Variants in SNX29 observed in about 807,000 individuals in gnomAD.
SNX29 encodes the protein sorting nexin-29.
SNX29 carries 78 observed loss-of-function variants against 102.1 expected under a neutral mutation model. The observed-to-expected ratio is 0.76, with a 90% CI of 0.64 to 0.92. The LOEUF (loss-of-function observed/expected upper bound fraction) is 0.92, where lower values mean the gene tolerates loss of function less well. Among genes scored for constraint, SNX29 ranks in the 40% least tolerant of loss-of-function variants. The pLI, the probability that SNX29 is intolerant of heterozygous loss-of-function variation, is 0.00. For synonymous variants in SNX29, 580 were observed against 414.5 expected (o/e 1.40, Z -4.85); for missense variants, 1,280 against 1,061.7 (o/e 1.21, Z -2.86).
At chr16:12,111,260 A>G (rs2053490984) in intron 11 of SNX29, among the ~76,000 whole-genome samples, 1 of 152,174 alleles carries the variant, frequency 6.6e-6, no homozygotes, top group African/African-American at 2.4e-5. Context: ...TGCACCAGTC[A>G]GCTCACTTCC....
At chr16:12,419,426 C>T (rs767027067) in intron 18 of SNX29, among the ~76,000 whole-genome samples, 2 of 152,180 alleles carry the variant, frequency 1.3e-5, no homozygotes, top group Non-Finnish European at 2.9e-5. Context: ...TCCCCATTGA[C>T]ACTTGCACGC....
At chr16:12,304,029 C>G (rs1201306066) in intron 15 of SNX29, among the ~76,000 whole-genome samples, 3 of 152,196 alleles carry the variant, frequency 2.0e-5, no homozygotes, top group Non-Finnish European at 4.4e-5. Flanking sequence ...TCTGTTAACA[C>G]ATTGGTAAGG....
chr16:12,023,382 C>G (rs1596619674), intron 3 of SNX29, among the ~76,000 whole-genome samples: 1 of 147,296 alleles, frequency 6.8e-6, no homozygotes. Context: ...CCCCCCAGCC[C>G]TCTCAACAAA....
intron 18 of SNX29, among the ~76,000 whole-genome samples, chr16:12,468,211 G>A (rs1388556201): frequency 1.9e-5 from 1 of 53,224 alleles, no homozygotes; most frequent in Non-Finnish European, 3.5e-5. Flanking sequence ...GAGTTTTACT[G>A]TTTCCCAGGC....
intron 13 of SNX29, among the ~76,000 whole-genome samples, chr16:12,165,137 CTTA>C (rs761868289): frequency 4.5e-4 from 68 of 152,320 alleles, no homozygotes; most frequent in Non-Finnish European, 5.0e-4. Context: ...ATACTGGCAT[CTTA>C]TTAAGTGGGA....
chr16:12,043,162 T>C, intron 5 of SNX29, 85 bp downstream of exon 5: 1 of 1,533,664 alleles, frequency 6.5e-7, no homozygotes, highest in Non-Finnish European at 8.8e-7. Flanking sequence ...TGGATTTTCA[T>C]CCTAGTTCCC....
chr16:12,099,061 C>G (rs1190101558), intron 11 of SNX29, among the ~76,000 whole-genome samples: 1 of 152,146 alleles, frequency 6.6e-6, no homozygotes, highest in Non-Finnish European at 1.5e-5. Context: ...TGGCTCCCCT[C>G]CAGCACAGAG....
chr16:12,542,376 C>G (rs948107449), intron 20 of SNX29, among the ~76,000 whole-genome samples: 1 of 152,220 alleles, frequency 6.6e-6, no homozygotes, highest in Non-Finnish European at 1.5e-5. Context: ...AGTTCTATCA[C>G]CCAGGGTGGA....
At chr16:12,209,091 A>G (rs1427998579) in intron 14 of SNX29, among the ~76,000 whole-genome samples, 1 of 152,106 alleles carries the variant, frequency 6.6e-6, no homozygotes, top group Non-Finnish European at 1.5e-5. Flanking sequence ...TCGGTTTACT[A>G]ATGGGAAAAA....
intron 4 of SNX29, among the ~76,000 whole-genome samples, chr16:12,041,642 C>A (rs1447052757): frequency 6.6e-6 from 1 of 152,142 alleles, no homozygotes; most frequent in East Asian, 1.9e-4. Flanking sequence ...CTATGGCTGC[C>A]CCATTCTAGT....
rs1350291439 is a variant in SNX29, at chr16:12,372,709, CGTTTGACTTGA to C, written c.1899+16435_1899+16445del. ...GTCATGGAAGGTTTCAAAGAGGAGA[CGTTTGACTTGA>C]GTTTTTAAGGATGAGTTGAAGTTGA... On this transcript the variant is annotated intron_variant, in intron 16 of 20. Transcript: ENST00000566228. 3 of 152,208 alleles carry C rather than the reference CGTTTGACTTGA, an allele frequency of 2.0e-5. No individual in the cohort carries two copies. In the East Asian group the frequency reaches 5.8e-4, roughly 29 times the overall value. The allele number at this position is 152,208 out of a possible 1,614,324, so 9.4% of individuals were successfully genotyped here. A position where few individuals can be genotyped will look rare whatever the true frequency, so the allele number is the denominator to read the frequency against.
chr16:12,572,143 C>CTTA lies in SNX29; in HGVS notation c.*3518_*3520dup. ...CTTGGCCCTGCTTCATACTTTGGAG[C>CTTA]TTATTAAGATCAATTTTGATAACCA... On this transcript the variant is annotated 3_prime_UTR_variant, in exon 21 of 21. Coordinates refer to ENST00000566228, the MANE Select transcript of SNX29 (RefSeq NM_032167.5). The CTTA allele has an allele frequency of 1.0e-6, 1 of 999,442 alleles. No individual in the cohort carries two copies. Among genetic ancestry groups the CTTA allele is most frequent in the Non-Finnish European group, 1.2e-6 (1 of 819,936 alleles). The allele number at this position is 999,442 out of a possible 1,614,324, so 61.9% of individuals were successfully genotyped here. A position where few individuals can be genotyped will look rare whatever the true frequency, so the allele number is the denominator to read the frequency against.
In SNX29 at chr16:12,567,369, A is replaced by C. The variant is rs190720929; in HGVS notation, c.2319-1137A>C. On this transcript the variant is annotated intron_variant, in intron 20 of 20. Coordinates refer to ENST00000566228, the MANE Select transcript of SNX29 (RefSeq NM_032167.5). ...CTGTTAGGTTTTTGCCTTGTTTTAA[A>C]ACATTTTATCCCAGTGAGGTATTTA... 2.6e-3 allele frequency among the ~76,000 whole-genome samples: 390 copies of C among 152,280 alleles called. 2 individuals are homozygous for C. Among genetic ancestry groups the C allele is most frequent in the Non-Finnish European group, 4.7e-3 (322 of 68,028 alleles).
Position 12,467,109 on chromosome 16 carries a change from G to T in SNX29, c.2038-10610G>T, listed in dbSNP as rs576741735. 3.3e-5 allele frequency among the ~76,000 whole-genome samples: 5 copies of T among 152,296 alleles called. No homozygotes were observed. In the South Asian group the frequency reaches 1.0e-3, roughly 32 times the overall value. On this transcript the variant is annotated intron_variant, in intron 18 of 20. Coordinates refer to ENST00000566228, the MANE Select transcript of SNX29 (RefSeq NM_032167.5). ...CGGGCAGACCTGGGCTTCAGTCCTT[G>T]TTTCACTTCTAACTAGCTCTTTGCT...
rs772632752 is a variant in SNX29 at position 12,018,560 on chromosome 16, G to A, written c.123-8760G>A. On this transcript the variant is annotated intron_variant, in intron 3 of 20. Coordinates refer to ENST00000566228, the MANE Select transcript of SNX29 (RefSeq NM_032167.5). ...ATCGTGTCACTGCACTTCAGCCTGGGTGACAGAGTGAGACTCTGTCTCAAG... is the reference window on the plus strand; with the variant it reads ...ATCGTGTCACTGCACTTCAGCCTGGATGACAGAGTGAGACTCTGTCTCAAG... 3.8e-4 allele frequency among the ~76,000 whole-genome samples: 58 copies of A among 151,196 alleles called. 1 individual carries two copies. Among genetic ancestry groups the A allele is most frequent in the Admixed American group, 2.4e-3 (36 of 15,162 alleles).
chr16:12,326,571 T>C (rs771243173), intron 15 of SNX29, among the ~76,000 whole-genome samples: 1 of 152,130 alleles, frequency 6.6e-6, no homozygotes, highest in Non-Finnish European at 1.5e-5. Context: ...ATGGGTGGGA[T>C]TGTGTTCCAA....
intron 15 of SNX29, among the ~76,000 whole-genome samples, chr16:12,352,042 G>A (rs897834110): frequency 2.6e-5 from 4 of 152,086 alleles, no homozygotes; most frequent in Admixed American, 2.6e-4. Context: ...TAGAGAGGCA[G>A]GATTTCTGCC....
intron 20 of SNX29, chr16:12,527,245 C>A (rs1032568790): frequency 1.9e-6 from 1 of 533,496 alleles, no homozygotes; most frequent in Non-Finnish European, 3.6e-6. Context: ...CCAAGCCTTA[C>A]CCGTGCTGAC....
Position 12,570,170 on chromosome 16 carries a change from C to G in SNX29, c.*1541C>G. On this transcript the variant is annotated 3_prime_UTR_variant, in exon 21 of 21. Coordinates refer to ENST00000566228, the MANE Select transcript of SNX29 (RefSeq NM_032167.5). ...ACTCACACACAGCGCCCCCCCACCC[C>G]AGAGAAACCGAGTCAGCCTACATGA... 9.4e-7 allele frequency: 1 copy of G among 1,065,404 alleles called. No homozygotes were observed. The highest frequency in any genetic ancestry group is 4.5e-5 in the South Asian group (1 of 22,018). 66.0% of individuals were successfully genotyped at this position (1,065,404 alleles called of 1,614,324 possible).
Sources: allele counts gnomAD v4.1 joint callset (sites outside exome capture counted in the v4.1 genomes callset), GRCh38; gene constraint gnomAD v4.1.1; transcripts MANE v1.5; gene names NCBI Gene and HGNC (gene_info 2026-07-23, HGNC 2026-07-21).